OPRM1: variants seen among roughly 807,000 people sequenced by gnomAD.
OPRM1 encodes the protein opioid receptor mu 1, also known as mu-type opioid receptor.
In OPRM1, 27 loss-of-function variants were observed where a neutral mutation model predicts 31.8. The ratio of observed to expected loss-of-function variants is 0.85; its 90% CI spans 0.63 to 1.17. OPRM1 has a LOEUF of 1.17. Among genes scored for constraint, OPRM1 ranks in the 50% most tolerant of loss-of-function variants. The probability of loss-of-function intolerance (pLI) is 0.00; values close to 1 mark genes in which losing one functional copy is unlikely to be tolerated. For missense variants in OPRM1, 536 were observed against 511.1 expected, an observed-to-expected ratio of 1.05 and a Z score of -0.47; for synonymous variants, 196 against 189.9, an observed-to-expected ratio of 1.03 and a Z score of -0.26.
At chr6:154,179,504 C>T (rs968202716) in intron 3 of OPRM1, among the ~76,000 whole-genome samples, 1 of 152,162 alleles carries the variant, frequency 6.6e-6, no homozygotes, top group Non-Finnish European at 1.5e-5. Context: ...TTTCCGCCCC[C>T]CCTTATCTTC....
chr6:154,192,193 T>C (rs1392121993), intron 3 of OPRM1, among the ~76,000 whole-genome samples: 2 of 152,196 alleles, frequency 1.3e-5, no homozygotes, highest in Non-Finnish European at 2.9e-5. Context: ...ACAAATTGCT[T>C]TCTAAATTGG....
intron 3 of OPRM1, among the ~76,000 whole-genome samples, chr6:154,189,139 T>C (rs1801638387): frequency 6.6e-6 from 1 of 152,150 alleles, no homozygotes; most frequent in Non-Finnish European, 1.5e-5. Flanking sequence ...AAAAAACACC[T>C]ATAAAGGTAT....
chr6:154,149,941 C>A (rs1798455569), intron 3 of OPRM1, among the ~76,000 whole-genome samples: 1 of 152,222 alleles, frequency 6.6e-6, no homozygotes, highest in Non-Finnish European at 1.5e-5. Flanking sequence ...CACAGGACAG[C>A]CACCATAGCT....
At chr6:154,147,539 C>T (rs1484691722) in intron 3 of OPRM1, among the ~76,000 whole-genome samples, 7 of 152,182 alleles carry the variant, frequency 4.6e-5, no homozygotes, top group Non-Finnish European at 5.9e-5. Flanking sequence ...CTTCACTGAG[C>T]GAGTTATAAC....
At chr6:154,200,026 T>C in intron 3 of OPRM1, 1 of 1,608,290 alleles carries the variant, frequency 6.2e-7, no homozygotes, top group Non-Finnish European at 8.5e-7. Flanking sequence ...AGGATGAAGA[T>C]GCCTGCTGTG....
intron 1 of OPRM1, among the ~76,000 whole-genome samples, chr6:154,019,397 T>A (rs1266145242): frequency 1.3e-5 from 2 of 152,086 alleles, no homozygotes; most frequent in Non-Finnish European, 2.9e-5. Flanking sequence ...TATTGACATA[T>A]TATTATCACC....
intron 3 of OPRM1, among the ~76,000 whole-genome samples, chr6:154,165,237 G>C (rs557472951): frequency 1.3e-5 from 2 of 152,150 alleles, no homozygotes; most frequent in South Asian, 2.1e-4. Context: ...ACTACTACCA[G>C]GGTCACAGAA....
intron 1 of OPRM1, among the ~76,000 whole-genome samples, chr6:154,051,332 A>C (rs1782152833): frequency 6.6e-6 from 1 of 152,232 alleles, no homozygotes; most frequent in South Asian, 2.1e-4. Context: ...CCAAACTGAG[A>C]ATGGCGAAAA....
chr6:154,221,588 G>C (rs920381959), intron 3 of OPRM1, among the ~76,000 whole-genome samples: 4 of 152,074 alleles, frequency 2.6e-5, no homozygotes, highest in Non-Finnish European at 5.9e-5. Flanking sequence ...AAACATATAG[G>C]TATGGCCGGG....
At chr6:154,197,486 A>G (rs553766268) in intron 3 of OPRM1, among the ~76,000 whole-genome samples, 1 of 152,300 alleles carries the variant, frequency 6.6e-6, no homozygotes, top group Admixed American at 6.5e-5. Context: ...GAAAAAAAAT[A>G]CTTTCATTTT....
intron 3 of OPRM1, among the ~76,000 whole-genome samples, chr6:154,105,622 T>C (rs1410482050): frequency 6.6e-6 from 1 of 152,190 alleles, no homozygotes; most frequent in Non-Finnish European, 1.5e-5. Flanking sequence ...AAGCCACAAT[T>C]GATAAGGAAA....
At chr6:154,116,308 T>C (rs1796866707) in intron 3 of OPRM1, among the ~76,000 whole-genome samples, 1 of 152,096 alleles carries the variant, frequency 6.6e-6, no homozygotes, top group Non-Finnish European at 1.5e-5. Flanking sequence ...CTTCTTCAGT[T>C]GGGCGTGGTG....
intron 3 of OPRM1, among the ~76,000 whole-genome samples, chr6:154,099,045 C>T (rs1247281769): frequency 6.6e-6 from 1 of 151,902 alleles, no homozygotes; most frequent in Non-Finnish European, 1.5e-5. Context: ...TTTGGGAGGC[C>T]GAGGCCAGTG....
intron 3 of OPRM1, among the ~76,000 whole-genome samples, chr6:154,112,894 T>A (rs996533207): frequency 2.6e-4 from 39 of 152,142 alleles, no homozygotes; most frequent in Non-Finnish European, 1.6e-4. Flanking sequence ...CAGGATTAGG[T>A]CAGTCTGCAG....
downstream of OPRM1, among the ~76,000 whole-genome samples, chr6:154,133,281 T>C (rs1195937045): frequency 2.0e-5 from 3 of 152,212 alleles, no homozygotes; most frequent in Non-Finnish European, 4.4e-5. Context: ...AGATGTAATT[T>C]CCTGACACAC....
chr6:154,246,542 G>T (rs7759388), intron 3 of OPRM1: 1 of 1,561,328 alleles, frequency 6.4e-7, no homozygotes, highest in Non-Finnish European at 8.7e-7. Flanking sequence ...TGCCTTTAAC[G>T]TATCCCTCAT....
chr6:154,238,908 GATTCTAT>G (rs1780350734), intron 3 of OPRM1, among the ~76,000 whole-genome samples: 1 of 151,484 alleles, frequency 6.6e-6, no homozygotes, highest in African/African-American at 2.4e-5. Context: ...TAAAAAGTTG[GATTCTAT>G]ATTGTTGTTT....
At chr6:154,181,214 G>C (rs938922237) in intron 3 of OPRM1, among the ~76,000 whole-genome samples, 7 of 152,106 alleles carry the variant, frequency 4.6e-5, no homozygotes, top group African/African-American at 1.7e-4. Flanking sequence ...CATTTTAGTA[G>C]TGAGGACACT....
intron 1 of OPRM1, among the ~76,000 whole-genome samples, chr6:154,020,510 T>A (rs1234309534): frequency 1.3e-5 from 2 of 152,244 alleles, no homozygotes; most frequent in Non-Finnish European, 2.9e-5. Flanking sequence ...AAAAAAATTT[T>A]AAAGACATTT....
Sources: gnomAD v4.1 joint callset for allele counts (sites outside exome capture counted in the v4.1 genomes callset) on GRCh38, gnomAD v4.1.1 for gene constraint, MANE v1.5 for transcripts, NCBI Gene and HGNC (gene_info 2026-07-23, HGNC 2026-07-21) for gene names.